The following PSMC4 variants were observed in gnomAD, a reference collection of about 807,000 sequenced individuals.
The protein encoded by PSMC4 is proteasome 26S subunit, ATPase 4.
A neutral mutation model predicts 48.4 loss-of-function variants in PSMC4; 13 were observed. The observed-to-expected ratio is 0.27, with a 90% CI of 0.18 to 0.43. The LOEUF (loss-of-function observed/expected upper bound fraction) is 0.43, where lower values mean the gene tolerates loss of function less well. Among genes scored for constraint, PSMC4 ranks in the 20% least tolerant of loss-of-function variants. The probability of loss-of-function intolerance (pLI) is 1.00; values close to 1 mark genes in which losing one functional copy is unlikely to be tolerated. For missense variants in PSMC4, 262 were observed against 555.9 expected (o/e 0.47, Z 5.32); for synonymous variants, 202 against 212.3 (o/e 0.95, Z 0.42).
chr19:39,971,307 T>TG, intron 1 of PSMC4, 69 bp downstream of exon 1: 1 of 1,585,822 alleles, frequency 6.3e-7, no homozygotes. Context: ...CAGACCTGAG[T>TG]GGGGGGAGGA....
At position 39,981,748 on chromosome 19, in the gene PSMC4, C is replaced by A. The variant is rs1971290212; in HGVS notation, c.*443C>A. Among the ~76,000 whole-genome samples the A allele has an allele frequency of 6.6e-6, 1 of 151,858 alleles. No homozygotes were observed. Among genetic ancestry groups the A allele is most frequent in the African/African-American group, 2.4e-5 (1 of 41,344 alleles). On this transcript the variant is annotated 3_prime_UTR_variant, in exon 11 of 11. Transcript: ENST00000157812. ...GTTCATAGGAAGGAGATGTCCAGTG[C>A]TGTCCAGTAGAACTTTGCACAATGA...
In PSMC4 at chr19:39,974,732, C is replaced by G; in HGVS notation, c.580-3C>G. 1 of 1,614,070 alleles carries G rather than the reference C, an allele frequency of 6.2e-7. No homozygotes were observed. The highest frequency in any genetic ancestry group is 8.5e-7 in the Non-Finnish European group (1 of 1,179,926). ...CACTTCTCTTCCTTCCTCTGGGTTT[C>G]AGATCGGCATCGATCCCCCCCGAGG... On this transcript the variant is annotated splice_region_variant and splice_polypyrimidine_tract_variant and intron_variant, in intron 5 of 10. Coordinates refer to ENST00000157812, the MANE Select transcript of PSMC4 (RefSeq NM_006503.4). The surrounding 1 kb of genome is among the most constrained non-coding windows in gnomAD (Gnocchi z 5.5).
At chr19:39,976,434 G>T (rs560872241) in intron 6 of PSMC4, among the ~76,000 whole-genome samples, 1 of 147,060 alleles carries the variant, frequency 6.8e-6, no homozygotes, top group African/African-American at 2.5e-5. Context: ...GAATAGAGAC[G>T]TGGCAGTAAA....
At position 39,980,554 on chromosome 19, in the gene PSMC4, G is replaced by A. The variant is rs1253149125; in HGVS notation, c.1087+100G>A. 1.6e-5 allele frequency: 25 copies of A among 1,588,568 alleles called. No homozygotes were observed. Among genetic ancestry groups the A allele is most frequent in the South Asian group, 4.4e-5 (4 of 90,134 alleles). On this transcript the variant is annotated intron_variant, in intron 9 of 10. Transcript: ENST00000157812. The surrounding 1 kb of genome is among the most constrained non-coding windows in gnomAD (Gnocchi z 4.8). ...CACCACAGCCCAGACTGTGCAGGTG[G>A]GACCAAGGTCCAGGGAGGAGGGGAG...
At chr19:39,976,434 G>A (rs560872241) in intron 6 of PSMC4, among the ~76,000 whole-genome samples, 2 of 147,076 alleles carry the variant, frequency 1.4e-5, no homozygotes, top group African/African-American at 2.5e-5. Context: ...GAATAGAGAC[G>A]TGGCAGTAAA....
intron 1 of PSMC4, among the ~76,000 whole-genome samples, chr19:39,971,607 G>C (rs565336106): frequency 6.6e-6 from 1 of 152,186 alleles, no homozygotes; most frequent in African/African-American, 2.4e-5. Context: ...TGGGCTGCGG[G>C]GCTGACTGAT....
chr19:39,974,633 G>A lies in PSMC4; in HGVS notation c.579G>A (p.Gln193=). The change falls in exon 5 of 11, where the codon CAG becomes CAA. Residue 193 remains glutamine, a splice_region_variant and synonymous_variant. Transcript: ENST00000157812. This position sits in a 1 kb window ranked among gnomAD's most constrained non-coding sequence, Gnocchi z 5.5. ...LPLTHFELYK[Q]IGIDPPRGVL... is the part of the protein sequence containing the mutation. ...TCACGCATTTCGAGCTCTACAAGCA[G>A]GTGAGGCGGTGCAGGTGGCAGGGAA... 1.2e-6 allele frequency: 2 copies of A among 1,613,904 alleles called. No homozygotes were observed. Among genetic ancestry groups the A allele is most frequent in the South Asian group, 1.1e-5 (1 of 91,064 alleles).
chr19:39,974,179 G>T lies in PSMC4; in HGVS notation c.323-115G>T. 1.5e-6 allele frequency: 2 copies of T among 1,349,308 alleles called. No homozygotes were observed. The highest frequency in any genetic ancestry group is 2.4e-5 in the East Asian group (1 of 41,254). 83.6% of individuals were successfully genotyped at this position (1,349,308 alleles called of 1,614,324 possible). On this transcript the variant is annotated intron_variant, in intron 3 of 10. Transcript: ENST00000157812. The surrounding 1 kb of genome is among the most constrained non-coding windows in gnomAD (Gnocchi z 5.5). ...AGGAGGGAAGGCTGGAGGCCGAGAG[G>T]GGACCCCTCAGGGTCTGAACCAGAG...
intron 6 of PSMC4, among the ~76,000 whole-genome samples, chr19:39,976,017 G>C (rs757049937): frequency 1.3e-5 from 2 of 151,924 alleles, no homozygotes. Flanking sequence ...GGGAGGCCGA[G>C]GTGGGAGGAT....
At chr19:39,978,129 T>C (rs1971234118) in intron 6 of PSMC4, among the ~76,000 whole-genome samples, 1 of 152,174 alleles carries the variant, frequency 6.6e-6, no homozygotes, top group Non-Finnish European at 1.5e-5. Flanking sequence ...CCTCTTGTTT[T>C]TCGGGGGGAA....
At position 39,980,432 on chromosome 19, in the gene PSMC4, T is replaced by C. The variant is rs1971269888; in HGVS notation, c.1065T>C (p.Ser355=). The C allele has an allele frequency of 6.2e-7, 1 of 1,613,910 alleles. No individual in the cohort carries two copies. The highest frequency in any genetic ancestry group is 1.1e-5 in the South Asian group (1 of 91,084). ...FSTITSKMNL[S]EEVDLEDYVA... ...CTATCACTAGCAAGATGAACCTCTC[T>C]GAGGAGGTTGACTTGGAAGACTGTA... Residue 355 remains serine (S), a synonymous_variant, in exon 9 of 11, where the codon TCT becomes TCC. Transcript: ENST00000157812. This position sits in a 1 kb window ranked among gnomAD's most constrained non-coding sequence, Gnocchi z 4.8.
At chr19:39,976,462 G>A (rs919960493) in intron 6 of PSMC4, among the ~76,000 whole-genome samples, 1 of 149,104 alleles carries the variant, frequency 6.7e-6, no homozygotes. Context: ...CCTCCTTATG[G>A]AGGTGATGTC....
At chr19:39,975,482 A>C (rs1347273718) in intron 6 of PSMC4, among the ~76,000 whole-genome samples, 1 of 151,570 alleles carries the variant, frequency 6.6e-6, no homozygotes, top group African/African-American at 2.4e-5. Flanking sequence ...TTTTTTTTTA[A>C]AGCCCTAAAA....
intron 6 of PSMC4, among the ~76,000 whole-genome samples, chr19:39,975,311 G>T (rs1351262617): frequency 1.3e-5 from 2 of 151,820 alleles, no homozygotes; most frequent in Admixed American, 1.3e-4. Context: ...TAGAGATAGG[G>T]TCTCACTCTG....
chr19:39,976,483 A>G (rs1971201237), intron 6 of PSMC4, among the ~76,000 whole-genome samples: 1 of 149,222 alleles, frequency 6.7e-6, no homozygotes, highest in Non-Finnish European at 1.5e-5. Flanking sequence ...TTAGTTGGAA[A>G]TGTGGCCCGA....
At chr19:39,978,647 G>T (rs1233683168) in intron 6 of PSMC4, among the ~76,000 whole-genome samples, 1 of 152,216 alleles carries the variant, frequency 6.6e-6, no homozygotes, top group Non-Finnish European at 1.5e-5. Flanking sequence ...TCTGGTGGCT[G>T]GAAGGAGAGT....
rs1971152596 is a variant in PSMC4, at chr19:39,974,094, TG to T, written c.323-199del. ...GGCCTGCTGGACAGCCAGGGCTGGA[TG>T]TCAAGAGAGAATCAGGGCGGTAGAC... On this transcript the variant is annotated intron_variant, in intron 3 of 10. Coordinates refer to ENST00000157812, the MANE Select transcript of PSMC4 (RefSeq NM_006503.4). The surrounding 1 kb of genome is among the most constrained non-coding windows in gnomAD (Gnocchi z 5.5). Among the ~76,000 whole-genome samples, 1 of 152,094 alleles carries T rather than the reference TG, an allele frequency of 6.6e-6. No individual in the cohort carries two copies. The highest frequency in any genetic ancestry group is 2.4e-5 in the African/African-American group (1 of 41,398).
chr19:39,971,909 G>C (rs1232058935), intron 1 of PSMC4, among the ~76,000 whole-genome samples: 1 of 152,120 alleles, frequency 6.6e-6, no homozygotes, highest in East Asian at 1.9e-4. Flanking sequence ...CTGGGGACAT[G>C]TTATGAGTGG....
At position 39,980,633 on chromosome 19, in the gene PSMC4, C is replaced by G; in HGVS notation, c.1088-29C>G. On this transcript the variant is annotated intron_variant, in intron 9 of 10. Transcript: ENST00000157812. This position sits in a 1 kb window ranked among gnomAD's most constrained non-coding sequence, Gnocchi z 4.8. ...AGCCCCAGGCATTTACCCCATCACA[C>G]AGGGAATAGTTTCCTTAACTCGCTG... is the stretch of plus-strand genomic sequence containing the variant. 1 of 1,612,546 alleles carries G rather than the reference C, an allele frequency of 6.2e-7. No homozygotes were observed. Among genetic ancestry groups the G allele is most frequent in the South Asian group, 1.1e-5 (1 of 91,058 alleles).
Sources: gnomAD v4.1 joint callset for allele counts (sites outside exome capture counted in the v4.1 genomes callset) on GRCh38, gnomAD v4.1.1 for gene constraint, Gnocchi (gnomAD v3.1) non-coding constraint, MANE v1.5 for transcripts, NCBI Gene and HGNC (gene_info 2026-07-23, HGNC 2026-07-21) for gene names.